The following ERCC4 variants were observed in gnomAD, a reference collection of about 807,000 sequenced individuals.
ERCC4 encodes the protein ERCC excision repair 4, endonuclease catalytic subunit, also known as DNA repair endonuclease XPF.
Under a neutral mutation model 76.9 loss-of-function variants are expected in ERCC4, and 65 were observed. The observed-to-expected ratio is 0.84, with a 90% CI of 0.69 to 1.04. The LOEUF (loss-of-function observed/expected upper bound fraction) is 1.04. ERCC4 is among the 50% of genes least tolerant of loss of function. The pLI is 0.00. For synonymous variants in ERCC4, 463 were observed against 410.1 expected (o/e 1.13, Z -1.56); for missense variants, 1,214 against 1,128.2 (o/e 1.08, Z -1.09).
At chr16:13,939,545 G>A (rs969829558) in intron 9 of ERCC4, among the ~76,000 whole-genome samples, 1 of 152,094 alleles carries the variant, frequency 6.6e-6, no homozygotes, top group East Asian at 1.9e-4. Flanking sequence ...CAGATGGGGT[G>A]GAAAGGGGGT....
intron 9 of ERCC4, 43 bp downstream of exon 9, chr16:13,937,901 A>C (rs2032335757): frequency 8.2e-7 from 1 of 1,212,216 alleles, no homozygotes; most frequent in South Asian, 1.2e-5. Flanking sequence ...ACTACATTGG[A>C]AACCTCTGGA....
At chr16:13,929,487 C>T (rs1275420426) in intron 4 of ERCC4, among the ~76,000 whole-genome samples, 2 of 152,082 alleles carry the variant, frequency 1.3e-5, no homozygotes, top group African/African-American at 2.4e-5. Context: ...GATAAGATTC[C>T]GTGCAATGGT....
At position 13,947,265 on chromosome 16, in the gene ERCC4, T is replaced by C. The variant is rs532750439; in HGVS notation, c.2018-349T>C. Among the ~76,000 whole-genome samples the C allele has an allele frequency of 6.6e-5, 10 of 152,314 alleles. 1 individual carries two copies. The South Asian group carries it at 1.9e-3, about 28-fold the overall frequency. ...TACTGGGGCCGCTATTTTAAGCCTC[T>C]ACCCTCAGGCTTTGTCCTAGGAATT... On this transcript the variant is annotated intron_variant, in intron 10 of 10. Coordinates refer to ENST00000311895, the MANE Select transcript of ERCC4 (RefSeq NM_005236.3).
chr16:13,926,722 A>G lies in ERCC4; in HGVS notation c.550A>G (p.Asn184Asp). The G allele has an allele frequency of 6.2e-7, 1 of 1,614,000 alleles. No individual in the cohort carries two copies. The highest frequency in any genetic ancestry group is 2.2e-5 in the East Asian group (1 of 44,872). The change falls in exon 3 of 11, where the codon AAT becomes GAT. Residue 184 changes from asparagine to aspartate, a missense_variant. Asn to Asp is a conservative substitution (Grantham distance 23, BLOSUM62 1). Coordinates refer to ENST00000311895, the MANE Select transcript of ERCC4 (RefSeq NM_005236.3). ...TTGTCATGTGGAAAGAGTGATGAGAAATCTTTTTGTGAGGAAACTGTATCT... is the reference window on the plus strand; with the variant it reads ...TTGTCATGTGGAAAGAGTGATGAGAGATCTTTTTGTGAGGAAACTGTATCT... ...GFCHVERVMR[N>D]LFVRKLYLWP...
At position 13,935,708 on chromosome 16, in the gene ERCC4, A is replaced by G. The variant is rs1300823853; in HGVS notation, c.1776A>G (p.Glu592=). 5 of 1,613,992 alleles carry G rather than the reference A, an allele frequency of 3.1e-6. No homozygotes were observed. The highest frequency in any genetic ancestry group is 1.6e-4 in the Middle Eastern group (1 of 6,082). The change falls in exon 8 of 11, where the codon GAA becomes GAG. Residue 592 remains glutamate (E), a synonymous_variant. Transcript: ENST00000311895. ...AGCTAACCTTTGTTCGGCAGCTTGAAATTTACAGGGCGAGTAGGCCTGGGA... is the reference window on the plus strand; with the variant it reads ...AGCTAACCTTTGTTCGGCAGCTTGAGATTTACAGGGCGAGTAGGCCTGGGA... ...DAELTFVRQL[E]IYRASRPGKP... is the part of the protein sequence containing the mutation.
At chr16:13,931,734 C>T (rs1054665912) in intron 5 of ERCC4, 3 of 174,524 alleles carry the variant, frequency 1.7e-5, no homozygotes, top group Non-Finnish European at 2.4e-5. Context: ...ACATATTTTC[C>T]TATAAATTAT....
In ERCC4 at chr16:13,948,597, G is replaced by C; in HGVS notation, c.*250G>C. Reference sequence around the variant, plus strand: ...GCTTAGCATGTTTCTTTTTAAATGAGGTTTGTCAGGATCAGGTAAAGTTCC... The same window carrying C: ...GCTTAGCATGTTTCTTTTTAAATGACGTTTGTCAGGATCAGGTAAAGTTCC... On this transcript the variant is annotated 3_prime_UTR_variant, in exon 11 of 11. Transcript: ENST00000311895. 1 of 502,936 alleles carries C rather than the reference G, an allele frequency of 2.0e-6. No homozygotes were observed. Among genetic ancestry groups the C allele is most frequent in the Non-Finnish European group, 3.6e-6 (1 of 278,184 alleles). 31.2% of individuals were successfully genotyped at this position (502,936 alleles called of 1,614,324 possible). A position where few individuals can be genotyped will look rare whatever the true frequency, so the allele number is the denominator to read the frequency against.
At position 13,935,201 on chromosome 16, in the gene ERCC4, T is replaced by C. The variant is rs144305111; in HGVS notation, c.1269T>C (p.Tyr423=). The change falls in exon 8 of 11, where the codon TAT becomes TAC. Residue 423 remains tyrosine (Y), a synonymous_variant. Coordinates refer to ENST00000311895, the MANE Select transcript of ERCC4 (RefSeq NM_005236.3). The stretch of plus-strand genomic sequence containing the variant: ...GAACATGTTCCCAGCTGAGAGACTA[T>C]ATCACTCTTGGAGCGGAGGCCTTCT... ...DDRTCSQLRD[Y]ITLGAEAFLL... is the part of the protein sequence containing the mutation. The C allele has an allele frequency of 6.2e-6, 10 of 1,614,004 alleles. No individual in the cohort carries two copies. In the African/African-American group the frequency reaches 1.2e-4, roughly 19 times the overall value.
intron 10 of ERCC4, among the ~76,000 whole-genome samples, chr16:13,945,643 G>A (rs2032499226): frequency 6.6e-6 from 1 of 152,182 alleles, no homozygotes; most frequent in African/African-American, 2.4e-5. Flanking sequence ...CCAACTCAGT[G>A]GATGTGAAAT....
At chr16:13,932,046 G>C (rs557969991) in intron 5 of ERCC4, 111 bp from the exon 6 acceptor site, 2 of 921,598 alleles carry the variant, frequency 2.2e-6, no homozygotes, top group Non-Finnish European at 3.6e-6. Context: ...GGTGTGGTTG[G>C]TAGGAAGACA....
At chr16:13,940,294 G>A (rs1179413008) in intron 9 of ERCC4, among the ~76,000 whole-genome samples, 1 of 151,994 alleles carries the variant, frequency 6.6e-6, no homozygotes, top group Non-Finnish European at 1.5e-5. Context: ...GGCTAAGGTG[G>A]GAGAATCACT....
In ERCC4 at chr16:13,948,441, C is replaced by A. The variant is rs901185320; in HGVS notation, c.*94C>A. 5.0e-6 allele frequency: 7 copies of A among 1,404,200 alleles called. No individual in the cohort carries two copies. In the African/African-American group the frequency reaches 8.5e-5, roughly 17 times the overall value. The allele number at this position is 1,404,200 out of a possible 1,614,324, so 87.0% of individuals were successfully genotyped here. A position where few individuals can be genotyped will look rare whatever the true frequency, so the allele number is the denominator to read the frequency against. ...ATTATTAATTATTGGTTTGCTATTT[C>A]ATTCTTTTCCAATGCTCTTAATGAT... is the stretch of plus-strand genomic sequence containing the variant. On this transcript the variant is annotated 3_prime_UTR_variant, in exon 11 of 11. Transcript: ENST00000311895.
rs2141606968 is a variant in ERCC4 at position 13,935,252 on chromosome 16, T to C, written c.1320T>C (p.Phe440=). Residue 440 remains phenylalanine (F), a synonymous_variant, in exon 8 of 11, where the codon TTT becomes TTC. Transcript: ENST00000311895. ...TATTGAGGCTCTACAGGAAAACCTT[T>C]GAGAAGGATAGCAAAGCTGAAGAAG... ...AFLLRLYRKT[F]EKDSKAEEVW... 1 of 1,613,998 alleles carries C rather than the reference T, an allele frequency of 6.2e-7. No individual in the cohort carries two copies. The highest frequency in any genetic ancestry group is 1.1e-5 in the South Asian group (1 of 91,062).
At chr16:13,945,887 A>G (rs1053840812) in intron 10 of ERCC4, among the ~76,000 whole-genome samples, 2 of 152,222 alleles carry the variant, frequency 1.3e-5, no homozygotes, top group African/African-American at 2.4e-5. Context: ...TTAGTTGCCT[A>G]TGGCTGCTAT....
chr16:13,921,786 T>G (rs921037538), intron 1 of ERCC4, among the ~76,000 whole-genome samples: 1 of 152,326 alleles, frequency 6.6e-6, no homozygotes. Flanking sequence ...TGTGCATATG[T>G]TATTGTAGTT....
chr16:13,946,744 T>TTTGTTTG lies in ERCC4; in HGVS notation c.2018-868_2018-867insGTTTGTT, dbSNP rs1555469415. Among the ~76,000 whole-genome samples the TTTGTTTG allele has an allele frequency of 1.2e-3, 188 of 151,194 alleles. 1 individual carries two copies. The highest frequency in any genetic ancestry group is 4.3e-3 in the African/African-American group (175 of 40,648). On this transcript the variant is annotated intron_variant, in intron 10 of 10. Coordinates refer to ENST00000311895, the MANE Select transcript of ERCC4 (RefSeq NM_005236.3). ...GACCTACTAAATACAACATCTGTTTTTTTGTTTGTTTGTTTGTTTGTTTGT... is the reference window on the plus strand; with the variant it reads ...GACCTACTAAATACAACATCTGTTTTTTGTTTGTTTGTTTGTTTGTTTGTTTGTTTGT...
intron 2 of ERCC4, among the ~76,000 whole-genome samples, chr16:13,923,357 A>G (rs2032013997): frequency 6.6e-6 from 1 of 152,244 alleles, no homozygotes; most frequent in Non-Finnish European, 1.5e-5. Context: ...TGGGTGAATG[A>G]TGGATGGATA....
At chr16:13,934,432 A>G (rs2141606086) in intron 7 of ERCC4, 130 bp downstream of exon 7, 4 of 721,478 alleles carry the variant, frequency 5.5e-6, no homozygotes, top group Non-Finnish European at 7.5e-6. Flanking sequence ...ATTTTAAAAC[A>G]CTGCTATTTT....
chr16:13,939,040 A>G (rs1354221261), intron 9 of ERCC4, among the ~76,000 whole-genome samples: 1 of 152,178 alleles, frequency 6.6e-6, no homozygotes, highest in East Asian at 1.9e-4. Context: ...CTCTCAGCCT[A>G]TGAAAATATG....
Sources: gnomAD v4.1 joint callset for allele counts (sites outside exome capture counted in the v4.1 genomes callset) on GRCh38, gnomAD v4.1.1 for gene constraint, MANE v1.5 for transcripts, NCBI Gene and HGNC (gene_info 2026-07-23, HGNC 2026-07-21) for gene names.